The following FRMD5 variants were observed in gnomAD, a reference collection of about 807,000 sequenced individuals.
FRMD5 encodes the protein FERM domain-containing protein 5.
A neutral mutation model predicts 69.0 loss-of-function variants in FRMD5; 20 were observed. The ratio of observed to expected loss-of-function variants is 0.29; its 90% CI spans 0.20 to 0.42. The LOEUF (loss-of-function observed/expected upper bound fraction) is 0.42, where lower values mean the gene tolerates loss of function less well. Ranked by LOEUF, FRMD5 falls within the 10% of genes least tolerant of loss-of-function variation. FRMD5 has a pLI of 1.00. For synonymous variants in FRMD5, 271 were observed against 260.1 expected, an observed-to-expected ratio of 1.04 and a Z score of -0.40; for missense variants, 595 against 708.6, an observed-to-expected ratio of 0.84 and a Z score of 1.82.
chr15:43,893,489 C>T (rs1243861584), intron 7 of FRMD5, among the ~76,000 whole-genome samples: 3 of 152,182 alleles, frequency 2.0e-5, no homozygotes, highest in African/African-American at 7.2e-5. Context: ...TTTGCCCTCC[C>T]AGAGGGGCTT....
intron 1 of FRMD5, among the ~76,000 whole-genome samples, chr15:44,039,591 T>C (rs1256403194): frequency 6.6e-6 from 1 of 152,092 alleles, no homozygotes; most frequent in Admixed American, 6.5e-5. Flanking sequence ...GCCTGGCTGT[T>C]AGAAGGAGAA....
At chr15:44,145,298 T>C (rs1053924674) in intron 1 of FRMD5, among the ~76,000 whole-genome samples, 2 of 152,212 alleles carry the variant, frequency 1.3e-5, no homozygotes, top group African/African-American at 4.8e-5. Context: ...TATGACACCA[T>C]CAACTTAGTG....
intron 6 of FRMD5, among the ~76,000 whole-genome samples, chr15:43,905,526 C>A (rs889421231): frequency 7.2e-5 from 11 of 152,148 alleles, no homozygotes; most frequent in African/African-American, 2.7e-4. Flanking sequence ...CATTAAATAT[C>A]ATAGTGAGGC....
At chr15:43,909,001 A>C (rs1353023028) in intron 5 of FRMD5, among the ~76,000 whole-genome samples, 1 of 152,168 alleles carries the variant, frequency 6.6e-6, no homozygotes, top group African/African-American at 2.4e-5. Context: ...CAAATCCCTA[A>C]AACAGAGTCA....
At chr15:43,943,191 G>A (rs1386092424) in intron 1 of FRMD5, among the ~76,000 whole-genome samples, 7 of 152,154 alleles carry the variant, frequency 4.6e-5, no homozygotes, top group East Asian at 3.8e-4. Flanking sequence ...GCAGTTAGCC[G>A]AGATTGTGCC....
At chr15:44,156,785 A>G (rs1470642716) in intron 1 of FRMD5, among the ~76,000 whole-genome samples, 2 of 152,196 alleles carry the variant, frequency 1.3e-5, no homozygotes, top group African/African-American at 2.4e-5. Flanking sequence ...TCAGGAATGT[A>G]TCTTTTTAAT....
chr15:43,875,856 C>CTTTTTTTTTTTTTTTTTTTTTTTTTT, intron 13 of FRMD5: 1 of 144,194 alleles, frequency 6.9e-6, no homozygotes, highest in South Asian at 6.6e-5. Flanking sequence ...ATTTTATTTT[C>CTTTTTTTTTTTTTTTTTTTTTTTTTT]TTCCTTCAAC....
intron 1 of FRMD5, among the ~76,000 whole-genome samples, chr15:44,142,086 C>G (rs1450337344): frequency 6.6e-6 from 1 of 152,122 alleles, no homozygotes; most frequent in African/African-American, 2.4e-5. Context: ...ATCAATAATC[C>G]TGCCTTCTAT....
At chr15:44,139,165 G>A (rs532738071) in intron 1 of FRMD5, among the ~76,000 whole-genome samples, 257 of 152,180 alleles carry the variant, frequency 1.7e-3, no homozygotes, top group Admixed American at 5.5e-3. Context: ...AACTAGAAAG[G>A]AAAAGGGGAT....
At chr15:43,998,832 G>A (rs1351307257) in intron 1 of FRMD5, among the ~76,000 whole-genome samples, 2 of 152,122 alleles carry the variant, frequency 1.3e-5, no homozygotes, top group Non-Finnish European at 2.9e-5. Context: ...CCAAGACTCC[G>A]CCCTGCCGTG....
At chr15:44,128,723 C>T (rs969435137) in intron 1 of FRMD5, among the ~76,000 whole-genome samples, 1 of 151,992 alleles carries the variant, frequency 6.6e-6, no homozygotes, top group African/African-American at 2.4e-5. Context: ...GCTCTTCTAC[C>T]ATCCCCTCAA....
intron 1 of FRMD5, among the ~76,000 whole-genome samples, chr15:44,051,166 T>G: frequency 7.3e-6 from 1 of 136,256 alleles, no homozygotes; most frequent in South Asian, 2.6e-4. Flanking sequence ...TTTTTTTTTT[T>G]TTTGAGATGG....
At chr15:44,106,841 C>T (rs996893250) in intron 1 of FRMD5, among the ~76,000 whole-genome samples, 1 of 152,190 alleles carries the variant, frequency 6.6e-6, no homozygotes, top group Non-Finnish European at 1.5e-5. Flanking sequence ...TGATGAAATA[C>T]ATTAGCCATT....
At chr15:44,018,361 G>A (rs1328596814) in intron 1 of FRMD5, among the ~76,000 whole-genome samples, 1 of 152,112 alleles carries the variant, frequency 6.6e-6, no homozygotes, top group African/African-American at 2.4e-5. Flanking sequence ...AAAGGGAGGG[G>A]TAACTCCTTT....
At chr15:44,043,244 A>T (rs1892279793) in intron 1 of FRMD5, among the ~76,000 whole-genome samples, 1 of 152,198 alleles carries the variant, frequency 6.6e-6, no homozygotes, top group Non-Finnish European at 1.5e-5. Context: ...TTCAAGGAGA[A>T]CTACAAACCA....
At chr15:44,028,559 G>A (rs1266365233) in intron 1 of FRMD5, among the ~76,000 whole-genome samples, 2 of 152,188 alleles carry the variant, frequency 1.3e-5, no homozygotes, top group Non-Finnish European at 2.9e-5. Context: ...AGTGTCTGAG[G>A]TTCAGGTTTC....
intron 1 of FRMD5, among the ~76,000 whole-genome samples, chr15:44,145,188 G>C (rs2077338356): frequency 1.3e-5 from 2 of 152,130 alleles, no homozygotes; most frequent in Non-Finnish European, 2.9e-5. Flanking sequence ...TGAGGTCCCA[G>C]TGCTCCAGGC....
intron 1 of FRMD5, among the ~76,000 whole-genome samples, chr15:44,039,429 C>T (rs1892086939): frequency 2.0e-5 from 3 of 152,202 alleles, no homozygotes; most frequent in Admixed American, 2.0e-4. Context: ...AGAGCTCTCG[C>T]TGGCAACTGG....
chr15:43,997,759 A>G (rs1013310837), intron 1 of FRMD5, among the ~76,000 whole-genome samples: 1 of 152,216 alleles, frequency 6.6e-6, no homozygotes, highest in Non-Finnish European at 1.5e-5. Context: ...TACTCTTTAT[A>G]GAAAAATCAG....
Sources: allele counts gnomAD v4.1 joint callset (sites outside exome capture counted in the v4.1 genomes callset), GRCh38; gene constraint gnomAD v4.1.1; transcripts MANE v1.5; gene names NCBI Gene and HGNC (gene_info 2026-07-23, HGNC 2026-07-21).